RTN3: variants seen among roughly 807,000 people sequenced by gnomAD.
RTN3 encodes the protein reticulon 3, also known as reticulon-3.
A neutral mutation model predicts 77.8 loss-of-function variants in RTN3; 49 were observed. The ratio of observed to expected loss-of-function variants is 0.63; its 90% CI spans 0.50 to 0.80. The LOEUF is 0.80. Ranked by LOEUF, RTN3 falls within the 30% of genes least tolerant of loss-of-function variation. The probability of loss-of-function intolerance (pLI) is 0.00; values close to 1 mark genes in which losing one functional copy is unlikely to be tolerated. For synonymous variants in RTN3, 464 were observed against 446.9 expected, an observed-to-expected ratio of 1.04 and a Z score of -0.48; for missense variants, 1,236 against 1,211.9, an observed-to-expected ratio of 1.02 and a Z score of -0.29.
At chr11:63,687,008 T>C (rs936397156) in intron 1 of RTN3, among the ~76,000 whole-genome samples, 4 of 152,238 alleles carry the variant, frequency 2.6e-5, no homozygotes, top group African/African-American at 9.6e-5. Flanking sequence ...TGTGTACTTT[T>C]TATGGCTTCA....
intron 1 of RTN3, among the ~76,000 whole-genome samples, chr11:63,688,430 G>A: frequency 6.6e-6 from 1 of 152,048 alleles, no homozygotes; most frequent in Non-Finnish European, 1.5e-5. Flanking sequence ...CACCATGTTA[G>A]CCAGGATGGT....
intron 3 of RTN3, among the ~76,000 whole-genome samples, chr11:63,737,256 ATCT>A (rs1382322097): frequency 6.6e-6 from 1 of 152,246 alleles, no homozygotes; most frequent in East Asian, 1.9e-4. Flanking sequence ...ATAGGAAAAC[ATCT>A]TCATGACATA....
chr11:63,732,036 G>A (rs993658075), intron 3 of RTN3, among the ~76,000 whole-genome samples: 1 of 150,732 alleles, frequency 6.6e-6, no homozygotes. Flanking sequence ...TCTAGAAAAA[G>A]AAGAGCAAAG....
chr11:63,705,351 A>G (rs1942446679), intron 2 of RTN3, among the ~76,000 whole-genome samples: 1 of 152,150 alleles, frequency 6.6e-6, no homozygotes, highest in Non-Finnish European at 1.5e-5. Context: ...TAGGTGGTGC[A>G]TGCCTGTAGT....
intron 3 of RTN3, among the ~76,000 whole-genome samples, chr11:63,729,421 T>C (rs1363142909): frequency 2.7e-5 from 4 of 147,396 alleles, no homozygotes; most frequent in Admixed American, 6.8e-5. Flanking sequence ...GACTGTACTA[T>C]AGCAAAGGTT....
rs184930635 is a variant in RTN3 at position 63,708,548 on chromosome 11, G to T, written c.199+3641G>T. Among the ~76,000 whole-genome samples the T allele has an allele frequency of 2.5e-4, 38 of 152,210 alleles. 1 individual carries two copies. The highest frequency in any genetic ancestry group is 2.2e-3 in the Admixed American group (34 of 15,270). On this transcript the variant is annotated intron_variant, in intron 2 of 8. Coordinates refer to ENST00000377819, the MANE Select transcript of RTN3 (RefSeq NM_001265589.2). The stretch of plus-strand genomic sequence containing the variant: ...ATTATTGGGTTTCAGGTAGATGCAT[G>T]TATAAAAAATGTCATTGATTCAGAC...
chr11:63,725,331 A>G (rs927912143), intron 3 of RTN3, among the ~76,000 whole-genome samples: 4 of 152,084 alleles, frequency 2.6e-5, no homozygotes, highest in African/African-American at 7.2e-5. Context: ...TTTAACAGCT[A>G]TGTAGTAATC....
chr11:63,681,532 A>G lies in RTN3; in HGVS notation c.-105A>G, dbSNP rs1444999279. 1.1e-5 allele frequency: 13 copies of G among 1,194,020 alleles called. No homozygotes were observed. The highest frequency in any genetic ancestry group is 6.5e-5 in the South Asian group (4 of 61,704). The allele number at this position is 1,194,020 out of a possible 1,614,324, so 74.0% of individuals were successfully genotyped here. On this transcript the variant is annotated 5_prime_UTR_variant, in exon 1 of 9. Transcript: ENST00000377819. Reference sequence around the variant, plus strand: ...CGGAGTCTGTCCTCGGAGCAGGCGGAGTAAAGGGACTTGAGCGAGCCAGTT... The same window carrying G: ...CGGAGTCTGTCCTCGGAGCAGGCGGGGTAAAGGGACTTGAGCGAGCCAGTT...
intron 3 of RTN3, among the ~76,000 whole-genome samples, chr11:63,725,070 G>T (rs2012143674): frequency 6.6e-6 from 1 of 151,644 alleles, no homozygotes; most frequent in African/African-American, 2.4e-5. Flanking sequence ...GTTAGCATTG[G>T]TAGTCATATT....
intron 1 of RTN3, among the ~76,000 whole-genome samples, chr11:63,700,703 AAATGGTCCTTCC>A (rs1216414453): frequency 6.6e-6 from 1 of 151,948 alleles, no homozygotes; most frequent in Non-Finnish European, 1.5e-5. Flanking sequence ...TCCTAGGCTC[AAATGGTCCTTCC>A]ACCTCAGCCT....
chr11:63,728,886 CAAAAAAAAAAAA>C (rs577443067), intron 3 of RTN3, among the ~76,000 whole-genome samples: 1 of 78,680 alleles, frequency 1.3e-5, no homozygotes, highest in East Asian at 5.2e-4. Context: ...GACTCCGTCT[CAAAAAAAAAAAA>C]AAAAGAAAAA....
intron 1 of RTN3, among the ~76,000 whole-genome samples, chr11:63,686,470 CAAAAAAAAAA>C (rs11364347): frequency 1.1e-5 from 1 of 92,568 alleles, no homozygotes; most frequent in Non-Finnish European, 2.2e-5. Flanking sequence ...GACTCCGTCT[CAAAAAAAAAA>C]AAAAAAAAAA....
At chr11:63,737,752 G>C (rs1012468282) in intron 3 of RTN3, among the ~76,000 whole-genome samples, 4 of 152,206 alleles carry the variant, frequency 2.6e-5, no homozygotes, top group African/African-American at 9.7e-5. Flanking sequence ...GGGCAAAGGG[G>C]ATGGTAGGTT....
In RTN3 at chr11:63,720,178, T is replaced by C; in HGVS notation, c.1676T>C (p.Val559Ala). Residue 559 changes from valine to alanine, a missense_variant, in exon 3 of 9, where the codon GTC (valine) becomes GCC (alanine). Physicochemically the swap from Val to Ala is moderately conservative, Grantham distance 64. Around this residue, in one of 3 missense-constraint regions of RTN3, gnomAD observed 1,056 missense variants for 990.4 expected, o/e 1.07. Transcript: ENST00000377819. Reference protein sequence around the residue: ...EKTSKNFEELVSDSELHQDQP... With the variant: ...EKTSKNFEELASDSELHQDQP... The stretch of plus-strand genomic sequence containing the variant: ...ACATCTAAAAACTTTGAAGAATTGG[T>C]CAGTGACTCTGAGCTGCATCAAGAT... 1 of 1,614,080 alleles carries C rather than the reference T, an allele frequency of 6.2e-7. No individual in the cohort carries two copies.
intron 1 of RTN3, among the ~76,000 whole-genome samples, chr11:63,684,490 G>A (rs539572997): frequency 6.6e-6 from 1 of 151,932 alleles, no homozygotes; most frequent in African/African-American, 2.4e-5. Context: ...ATGGGGTTTT[G>A]CCATGTTGGC....
chr11:63,743,852 GT>G (rs2013632097), intron 3 of RTN3, among the ~76,000 whole-genome samples: 1 of 152,058 alleles, frequency 6.6e-6, no homozygotes, highest in South Asian at 2.1e-4. Context: ...GGAGCCAGAG[GT>G]TGCAGTGAGC....
chr11:63,700,387 T>TA (rs1942176606), intron 1 of RTN3, among the ~76,000 whole-genome samples: 1 of 148,768 alleles, frequency 6.7e-6, no homozygotes, highest in Non-Finnish European at 1.5e-5. Context: ...ATAATCCTCT[T>TA]ACCTCAGCCT....
At chr11:63,749,008 A>G (rs142832709) in intron 3 of RTN3, among the ~76,000 whole-genome samples, 1,976 of 150,214 alleles carry the variant, frequency 0.013, 40 homozygotes, top group African/African-American at 0.046. Context: ...TTGGCCAGGC[A>G]TGGTGGCTCA....
chr11:63,723,982 A>G (rs962202417), intron 3 of RTN3, among the ~76,000 whole-genome samples: 1 of 152,126 alleles, frequency 6.6e-6, no homozygotes, highest in African/African-American at 2.4e-5. Flanking sequence ...GAAGAAAATC[A>G]GATCCCTGCC....
Sources: gnomAD v4.1 joint callset for allele counts (sites outside exome capture counted in the v4.1 genomes callset) on GRCh38, gnomAD v4.1.1 for gene constraint, gnomAD v4.1.1 regional missense constraint, MANE v1.5 for transcripts, NCBI Gene and HGNC (gene_info 2026-07-23, HGNC 2026-07-21) for gene names.